Variants in CATSPERZ observed in about 807,000 individuals in gnomAD.
CATSPERZ encodes cation channel sperm-associated auxiliary subunit zeta.
In CATSPERZ, 21 loss-of-function variants were observed where a neutral mutation model predicts 21.7. That is an observed-to-expected ratio of 0.97 (90% CI 0.69 to 1.39). The LOEUF (loss-of-function observed/expected upper bound fraction) is 1.39. Among genes scored for constraint, CATSPERZ ranks in the 40% most tolerant of loss-of-function variants. The probability of loss-of-function intolerance (pLI) is 0.00; values close to 1 mark genes in which losing one functional copy is unlikely to be tolerated. For missense variants in CATSPERZ, 234 were observed against 259.5 expected (o/e 0.90, Z 0.68); for synonymous variants, 127 against 108.7 (o/e 1.17, Z -1.05).
In CATSPERZ at chr11:64,303,843, A is replaced by G; in HGVS notation, c.499+4A>G. The G allele has an allele frequency of 6.3e-7, 1 of 1,592,410 alleles. No homozygotes were observed. ...ATCCTCACCAAAGCCCTCCGGAGTA[A>G]GCTCCCCGCCAACCCCCAAGAACTC... On this transcript the variant is annotated splice_donor_region_variant and intron_variant, in intron 4 of 4. Coordinates refer to ENST00000328404, the MANE Select transcript of CATSPERZ (RefSeq NM_001039496.2).
At chr11:64,304,032 TGTG>T (rs2034973928) in intron 4 of CATSPERZ, among the ~76,000 whole-genome samples, 193 bp downstream of exon 4, 1 of 152,112 alleles carries the variant, frequency 6.6e-6, no homozygotes, top group Non-Finnish European at 1.5e-5. Flanking sequence ...GTGGGGGACA[TGTG>T]GTGATGGGCA....
Position 64,303,853 on chromosome 11 carries a change from C to T in CATSPERZ, c.499+14C>T. ...AAGCCCTCCGGAGTAAGCTCCCCGC[C>T]AACCCCCAAGAACTCCCACGACAGA... On this transcript the variant is annotated intron_variant, in intron 4 of 4. Transcript: ENST00000328404. 6.3e-7 allele frequency: 1 copy of T among 1,589,556 alleles called. No individual in the cohort carries two copies. The highest frequency in any genetic ancestry group is 1.7e-4 in the Middle Eastern group (1 of 6,038).
rs780015371 is a variant in CATSPERZ, at chr11:64,300,810, A to G, written c.175A>G (p.Ile59Val). ...GGGCTTCGACGAGGAGGGCCGCAACATTAGCAAGACCCGCGGGTGGCACAG... is the reference window on the plus strand; with the variant it reads ...GGGCTTCGACGAGGAGGGCCGCAACGTTAGCAAGACCCGCGGGTGGCACAG... ...CEGFDEEGRN[I>V]SKTRGWHSPG... is the part of the protein sequence containing the mutation. Residue 59 changes from isoleucine to valine, a missense_variant, in exon 2 of 5, where the codon ATT (isoleucine) becomes GTT (valine). By Grantham distance (29) the Ile-to-Val change is conservative. Transcript: ENST00000328404. The G allele has an allele frequency of 6.4e-7, 1 of 1,559,494 alleles. No individual in the cohort carries two copies. Among genetic ancestry groups the G allele is most frequent in the Non-Finnish European group, 8.7e-7 (1 of 1,152,558 alleles).
At chr11:64,301,151 CA>C (rs1177867936) in intron 2 of CATSPERZ, among the ~76,000 whole-genome samples, 164 bp downstream of exon 2, 6 of 152,266 alleles carry the variant, frequency 3.9e-5, no homozygotes, top group Admixed American at 3.9e-4. Flanking sequence ...ATCCGCCAGG[CA>C]TTCTTGGAGC....
At position 64,300,423 on chromosome 11, in the gene CATSPERZ, C is replaced by A. The variant is rs754182637; in HGVS notation, c.13C>A (p.Pro5Thr). MEEK[P>T]SKVSLKSSDR... ...TTGGGGCAGAACCATGGAGGAAAAGCCTTCGAAAGTAAGACGTCTCCCTAG... is the reference window on the plus strand; with the variant it reads ...TTGGGGCAGAACCATGGAGGAAAAGACTTCGAAAGTAAGACGTCTCCCTAG... The change falls in exon 1 of 5, where the codon CCT becomes ACT. Residue 5 changes from proline (P) to threonine (T), a missense_variant. Transcript: ENST00000328404. 5 of 1,478,074 alleles carry A rather than the reference C, an allele frequency of 3.4e-6. No homozygotes were observed. In the South Asian group the frequency reaches 4.5e-5, roughly 13 times the overall value. The allele number at this position is 1,478,074 out of a possible 1,614,324, so 91.6% of individuals were successfully genotyped here.
intron 2 of CATSPERZ, among the ~76,000 whole-genome samples, chr11:64,301,375 A>C (rs1256931286): frequency 6.7e-6 from 1 of 148,160 alleles, no homozygotes; most frequent in Non-Finnish European, 1.5e-5. Context: ...AGCTCACTGC[A>C]GTTCAAGTGA....
In CATSPERZ at chr11:64,300,879, A is replaced by G; in HGVS notation, c.244A>G (p.Lys82Glu). The change falls in exon 2 of 5, where the codon AAG becomes GAG. Residue 82 changes from lysine to glutamate, a missense_variant. Coordinates refer to ENST00000328404, the MANE Select transcript of CATSPERZ (RefSeq NM_001039496.2). ...SLDEGYKASH[K>E]PEELDEHALV... is the part of the protein sequence containing the mutation. ...GGACGAGGGGTACAAGGCCAGCCAC[A>G]AGCCGGAGGAACTGGACGAGCACGC... The G allele has an allele frequency of 6.4e-7, 1 of 1,567,828 alleles. No individual in the cohort carries two copies. Among genetic ancestry groups the G allele is most frequent in the Middle Eastern group, 1.7e-4 (1 of 6,022 alleles).
chr11:64,304,182 C>A (rs1186479467), intron 4 of CATSPERZ, among the ~76,000 whole-genome samples: 1 of 152,136 alleles, frequency 6.6e-6, no homozygotes, highest in Non-Finnish European at 1.5e-5. Flanking sequence ...TGTGAGGAGC[C>A]TTTGGACAGT....
In CATSPERZ at chr11:64,304,722, C is replaced by G. The variant is rs1341615317; in HGVS notation, c.*76C>G. The G allele has an allele frequency of 4.8e-6, 6 of 1,237,140 alleles. No homozygotes were observed. The East Asian group carries it at 1.3e-4, about 26-fold the overall frequency. 76.6% of individuals were successfully genotyped at this position (1,237,140 alleles called of 1,614,324 possible). ...CGGTCCCCAGACCCAAGCCTGACCC[C>G]ATCCGAGTGGAATTTGAGTCCTAAA... On this transcript the variant is annotated 3_prime_UTR_variant, in exon 5 of 5. Transcript: ENST00000328404.
In CATSPERZ at chr11:64,304,629, A is replaced by C. The variant is rs747679722; in HGVS notation, c.586A>C (p.Arg196=). The change falls in exon 5 of 5, where the codon AGG becomes CGG. Residue 196 remains arginine, a synonymous_variant. Transcript: ENST00000328404. ...AGGGCTCAAGAAGCGCCGGAGCAAGAGGCTGTACGTGAATTAAAAACGCCA... is the reference window on the plus strand; with the variant it reads ...AGGGCTCAAGAAGCGCCGGAGCAAGCGGCTGTACGTGAATTAAAAACGCCA... ...IEGLKKRRSK[R]LYVN 92 of 1,574,056 alleles carry C rather than the reference A, an allele frequency of 5.8e-5. 1 individual carries two copies. Among genetic ancestry groups the C allele is most frequent in the Non-Finnish European group, 7.2e-5 (84 of 1,160,594 alleles).
chr11:64,304,215 C>T (rs2034977760), intron 4 of CATSPERZ, among the ~76,000 whole-genome samples: 1 of 152,152 alleles, frequency 6.6e-6, no homozygotes, highest in African/African-American at 2.4e-5. Flanking sequence ...TGAACTTTTG[C>T]TGCTGTGGTA....
intron 2 of CATSPERZ, among the ~76,000 whole-genome samples, chr11:64,302,924 G>A (rs1274575481): frequency 7.4e-6 from 1 of 135,186 alleles, no homozygotes; most frequent in Non-Finnish European, 1.5e-5. Context: ...TTTTGAGACA[G>A]AGTCTCACTT....
At chr11:64,304,206 G>T (rs1176996853) in intron 4 of CATSPERZ, among the ~76,000 whole-genome samples, 1 of 152,162 alleles carries the variant, frequency 6.6e-6, no homozygotes, top group Non-Finnish European at 1.5e-5. Context: ...TTATGTGGGT[G>T]AACTTTTGCT....
chr11:64,303,823 C>T lies in CATSPERZ; in HGVS notation c.483C>T (p.Leu161=). 3.1e-6 allele frequency: 5 copies of T among 1,598,280 alleles called. No individual in the cohort carries two copies. The Middle Eastern group carries it at 8.3e-4, about 264-fold the overall frequency. The part of the protein sequence containing the change: ...ELMENEALEI[L]TKALRSYQLG... ...TGGAGAATGAAGCTCTGGAAATCCTCACCAAAGCCCTCCGGAGTAAGCTCC... is the reference window on the plus strand; with the variant it reads ...TGGAGAATGAAGCTCTGGAAATCCTTACCAAAGCCCTCCGGAGTAAGCTCC... Residue 161 remains leucine (L), a synonymous_variant, in exon 4 of 5, where the codon CTC becomes CTT. Coordinates refer to ENST00000328404, the MANE Select transcript of CATSPERZ (RefSeq NM_001039496.2).
chr11:64,304,681 C>T lies in CATSPERZ; in HGVS notation c.*35C>T, dbSNP rs773172143. 5.2e-6 allele frequency: 8 copies of T among 1,534,368 alleles called. No homozygotes were observed. The highest frequency in any genetic ancestry group is 4.9e-5 in the East Asian group (2 of 41,030). ...CTTGGGCTCGAGCAGCGACCCGAACCAGCCCCGTGCCAGCCCGGTCCCCAG... is the reference window on the plus strand; with the variant it reads ...CTTGGGCTCGAGCAGCGACCCGAACTAGCCCCGTGCCAGCCCGGTCCCCAG... On this transcript the variant is annotated 3_prime_UTR_variant, in exon 5 of 5. Transcript: ENST00000328404.
rs1565371650 is a variant in CATSPERZ at position 64,300,787 on chromosome 11, GC to G, written c.153del (p.Phe52SerfsTer98). 2.6e-6 allele frequency: 4 copies of G among 1,555,952 alleles called. No individual in the cohort carries two copies. In the Admixed American group the frequency reaches 7.8e-5, roughly 30 times the overall value. On this transcript the variant is annotated frameshift_variant, in exon 2 of 5. Transcript: ENST00000328404. LOFTEE classifies it high-confidence loss of function. ...LNMPLSEVCE[G>X]FDEEGRNISK... ...ATGCCGCTGTCCGAGGTCTGCGAGG[GC>G]TTCGACGAGGAGGGCCGCAACATTA...
At chr11:64,302,528 C>T (rs934440212) in intron 2 of CATSPERZ, among the ~76,000 whole-genome samples, 6 of 152,130 alleles carry the variant, frequency 3.9e-5, no homozygotes, top group Admixed American at 1.3e-4. Flanking sequence ...GATCCGCCCA[C>T]CTCGGCCTCC....
At chr11:64,301,762 G>A (rs566248176) in intron 2 of CATSPERZ, among the ~76,000 whole-genome samples, 52 of 152,120 alleles carry the variant, frequency 3.4e-4, no homozygotes, top group African/African-American at 1.2e-3. Flanking sequence ...AAACTCCTAG[G>A]CTCAAGGTAT....
intron 4 of CATSPERZ, 133 bp from the exon 5 acceptor site, chr11:64,304,410 C>G: frequency 1.5e-6 from 1 of 658,804 alleles, no homozygotes; most frequent in Non-Finnish European, 2.6e-6. Flanking sequence ...CCCAGGCTAA[C>G]ACAGACCTGA....
Sources: gnomAD v4.1 joint callset for allele counts (sites outside exome capture counted in the v4.1 genomes callset) on GRCh38, gnomAD v4.1.1 for gene constraint, MANE v1.5 for transcripts, NCBI Gene and HGNC (gene_info 2026-07-23, HGNC 2026-07-21) for gene names.